ENPEP: variants seen among roughly 807,000 people sequenced by gnomAD.
The protein encoded by ENPEP is AP-A.
Under a neutral mutation model 114.5 loss-of-function variants are expected in ENPEP, and 103 were observed. That is an observed-to-expected ratio of 0.90 (90% CI 0.77 to 1.06). ENPEP has a LOEUF of 1.06. Among genes scored for constraint, ENPEP ranks in the 50% least tolerant of loss-of-function variants. ENPEP has a pLI of 0.00. For synonymous variants in ENPEP, 420 were observed against 422.0 expected (o/e 1.00, Z 0.06); for missense variants, 1,196 against 1,161.3 (o/e 1.03, Z -0.43).
At chr4:110,517,772 T>C (rs370410980) in intron 8 of ENPEP, among the ~76,000 whole-genome samples, 1 of 152,186 alleles carries the variant, frequency 6.6e-6, no homozygotes, top group African/African-American at 2.4e-5. Flanking sequence ...ATGGAATGAA[T>C]TTACACAAAA....
In ENPEP at chr4:110,564,298, TA is replaced by T. The variant is rs1311435340; in HGVS notation, c.*2742del. 6.6e-6 allele frequency: 1 copy of T among 152,200 alleles called. No homozygotes were observed. Among genetic ancestry groups the T allele is most frequent in the Non-Finnish European group, 1.5e-5 (1 of 68,040 alleles). 9.4% of individuals were successfully genotyped at this position (152,200 alleles called of 1,614,324 possible). On this transcript the variant is annotated 3_prime_UTR_variant, in exon 20 of 20. Transcript: ENST00000265162. ...TTTGAACCCAGGCAGTTTATCACTC[TA>T]ATCTACATTTTAATCTGTATTAGAG...
At chr4:110,489,506 A>G (rs1447616131) in intron 2 of ENPEP, among the ~76,000 whole-genome samples, 4 of 152,176 alleles carry the variant, frequency 2.6e-5, no homozygotes, top group East Asian at 3.8e-4. Context: ...GTGTATACCT[A>G]TGTAACAAAC....
At chr4:110,497,599 T>C (rs922054378) in intron 3 of ENPEP, among the ~76,000 whole-genome samples, 8 of 152,174 alleles carry the variant, frequency 5.3e-5, no homozygotes, top group Admixed American at 2.6e-4. Context: ...CAATAAATGC[T>C]TTGTGTAACC....
rs1197497444 is a variant in ENPEP, at chr4:110,559,628, A to G, written c.2643-19A>G. On this transcript the variant is annotated intron_variant, in intron 18 of 19. Coordinates refer to ENST00000265162, the MANE Select transcript of ENPEP (RefSeq NM_001977.4). ...ATTCTGAGCACTTACACTTCCTTTT[A>G]CTCTAAATTTCTCTCCAGATATACA... The G allele has an allele frequency of 1.9e-6, 3 of 1,557,368 alleles. No individual in the cohort carries two copies. In the African/African-American group the frequency reaches 4.1e-5, roughly 21 times the overall value.
rs1727207171 is a variant in ENPEP, at chr4:110,549,554, T to A, written c.2252T>A (p.Phe751Tyr). Residue 751 changes from phenylalanine (F) to tyrosine (Y), a missense_variant, in exon 16 of 20, where the codon TTT (phenylalanine) becomes TAT (tyrosine). Transcript: ENST00000265162. ...TKLLRSSVLG[F>Y]ACKMGDREAL... ...TTACTCCGTTCCTCCGTGTTAGGGT[T>A]TGCGTGCAAGATGGGAGACAGAGAA... 1.9e-6 allele frequency: 3 copies of A among 1,613,510 alleles called. No individual in the cohort carries two copies. In the Admixed American group the frequency reaches 5.0e-5, roughly 27 times the overall value.
chr4:110,511,865 G>A (rs1195536612), intron 6 of ENPEP, among the ~76,000 whole-genome samples: 2 of 151,814 alleles, frequency 1.3e-5, no homozygotes, highest in Non-Finnish European at 2.9e-5. Context: ...CTGGGTTCAA[G>A]CAATTCTCCT....
In ENPEP at chr4:110,476,768, C is replaced by A; in HGVS notation, c.354C>A (p.Thr118=). The A allele has an allele frequency of 6.2e-7, 1 of 1,614,216 alleles. No individual in the cohort carries two copies. The change falls in exon 1 of 20, where the codon ACC becomes ACA. Residue 118 remains threonine, a synonymous_variant. Transcript: ENST00000265162. ...PLLEEDTYTG[T]VSISINLSAP... ...TGGAGGAGGACACCTACACGGGCAC[C>A]GTGAGCATCTCCATCAACCTGAGCG... is the stretch of plus-strand genomic sequence containing the variant.
chr4:110,553,572 T>C (rs1190888322), intron 18 of ENPEP, 117 bp downstream of exon 18: 1 of 1,003,978 alleles, frequency 1.0e-6, no homozygotes, highest in Non-Finnish European at 1.4e-6. Flanking sequence ...ATGGCATTAT[T>C]AGAGGTAAAG....
At position 110,553,412 on chromosome 4, in the gene ENPEP, G is replaced by A. The variant is rs1368860227; in HGVS notation, c.2599G>A (p.Ala867Thr). The A allele has an allele frequency of 7.4e-6, 12 of 1,611,000 alleles. No individual in the cohort carries two copies. The highest frequency in any genetic ancestry group is 1.0e-5 in the Non-Finnish European group (12 of 1,178,054). Residue 867 changes from alanine (A) to threonine (T), a missense_variant, in exon 18 of 20, where the codon GCC becomes ACC. Physicochemically the swap from Ala to Thr is moderately conservative, Grantham distance 58. Coordinates refer to ENST00000265162, the MANE Select transcript of ENPEP (RefSeq NM_001977.4). ...ATATAACAGCTATGGGAAGAACATG[G>A]CCTGGAATTGGATACAACTCAACTG... ...ISYNSYGKNM[A>T]WNWIQLNWDY...
rs147045738 is a variant in ENPEP at position 110,522,078 on chromosome 4, C to T, written c.1727+1712C>T. Among the ~76,000 whole-genome samples, 779 of 152,124 alleles carry T rather than the reference C, an allele frequency of 5.1e-3. 5 individuals are homozygous for T. The highest frequency in any genetic ancestry group is 0.018 in the African/African-American group (733 of 41,510). ...ATTTTTAGTGAAGGCGGAGTTTCAC[C>T]GAGTTGACCAGGCTGGTCTTAAACT... On this transcript the variant is annotated intron_variant, in intron 10 of 19. Transcript: ENST00000265162.
chr4:110,523,338 C>T (rs986966569), intron 10 of ENPEP, among the ~76,000 whole-genome samples: 10 of 152,278 alleles, frequency 6.6e-5, no homozygotes, highest in African/African-American at 1.7e-4. Context: ...GTCCCTCTCC[C>T]CCTTCTGCCA....
intron 10 of ENPEP, among the ~76,000 whole-genome samples, chr4:110,530,810 G>T (rs1390145833): frequency 1.3e-5 from 2 of 152,072 alleles, no homozygotes; most frequent in Non-Finnish European, 2.9e-5. Flanking sequence ...AAAATGTTTT[G>T]TGTTCCTTGA....
intron 10 of ENPEP, among the ~76,000 whole-genome samples, chr4:110,527,331 A>G (rs1416781661): frequency 6.6e-6 from 1 of 152,106 alleles, no homozygotes; most frequent in Non-Finnish European, 1.5e-5. Context: ...CTCCCACACT[A>G]AGTGACATTC....
At chr4:110,481,263 T>C (rs2110331031) in intron 1 of ENPEP, among the ~76,000 whole-genome samples, 1 of 152,236 alleles carries the variant, frequency 6.6e-6, no homozygotes, top group East Asian at 1.9e-4. Context: ...GAGACTTTTT[T>C]TTTTTTAAAG....
intron 3 of ENPEP, chr4:110,500,072 T>C (rs1327012717): frequency 6.6e-6 from 1 of 152,198 alleles, no homozygotes; most frequent in African/African-American, 2.4e-5. Context: ...CACAGCCTCA[T>C]TAAATTGTTC....
At chr4:110,528,691 G>A (rs1411222344) in intron 10 of ENPEP, among the ~76,000 whole-genome samples, 2 of 152,178 alleles carry the variant, frequency 1.3e-5, no homozygotes, top group Non-Finnish European at 2.9e-5. Context: ...GAAAGCATAT[G>A]TGCCTTTGAT....
Position 110,476,363 on chromosome 4 carries a change from T to C in ENPEP, c.-52T>C. The C allele has an allele frequency of 2.0e-6, 3 of 1,495,546 alleles. No homozygotes were observed. The highest frequency in any genetic ancestry group is 1.8e-6 in the Non-Finnish European group (2 of 1,120,542). 92.6% of individuals were successfully genotyped at this position (1,495,546 alleles called of 1,614,324 possible). On this transcript the variant is annotated 5_prime_UTR_variant, in exon 1 of 20. Coordinates refer to ENST00000265162, the MANE Select transcript of ENPEP (RefSeq NM_001977.4). ...TAAAAAGGAAGTCTGCTGACGTTAG[T>C]TAGTTAAATTTAACATCTTTTTATG...
chr4:110,520,291 G>A lies in ENPEP; in HGVS notation c.1652G>A (p.Gly551Asp), dbSNP rs1368326252. Residue 551 changes from glycine to aspartate, a missense_variant, in exon 10 of 20, where the codon GGT (glycine) becomes GAT (aspartate). Transcript: ENST00000265162. ...GGTTATCCTGTGCTTAACGTGAACG[G>A]TGTCAAGAACATCACACAGAAACGC... ...QMGYPVLNVN[G>D]VKNITQKRFL... 5.0e-6 allele frequency: 8 copies of A among 1,613,934 alleles called. No homozygotes were observed. In the South Asian group the frequency reaches 6.6e-5, roughly 13 times the overall value.
chr4:110,543,840 G>T (rs1726944983), intron 13 of ENPEP, among the ~76,000 whole-genome samples: 1 of 151,894 alleles, frequency 6.6e-6, no homozygotes, highest in South Asian at 2.1e-4. Flanking sequence ...CTCTTTCTCT[G>T]GGTTGGGTAT....
Sources: allele counts gnomAD v4.1 joint callset (sites outside exome capture counted in the v4.1 genomes callset), GRCh38; gene constraint gnomAD v4.1.1; transcripts MANE v1.5; gene names NCBI Gene and HGNC (gene_info 2026-07-23, HGNC 2026-07-21).